The following TENM4 variants were observed in gnomAD, a reference collection of about 807,000 sequenced individuals.
The protein encoded by TENM4 is teneurin transmembrane protein 4.
A neutral mutation model predicts 243.3 loss-of-function variants in TENM4; 82 were observed. That is an observed-to-expected ratio of 0.34 (90% confidence interval 0.28 to 0.40). TENM4 has a LOEUF of 0.40. TENM4 is among the 10% of genes least tolerant of loss of function. TENM4 has a pLI of 1.00. For missense variants in TENM4, 3,138 were observed against 3,673.3 expected (o/e 0.85, Z 3.77); for synonymous variants, 1,412 against 1,456.3 (o/e 0.97, Z 0.69).
At chr11:79,076,344 A>G (rs186662430) in intron 4 of TENM4, 85 of 152,672 alleles carry the variant, frequency 5.6e-4, no homozygotes, top group Non-Finnish European at 9.9e-4. Flanking sequence ...TGGGTACTTT[A>G]TACAGGAAAA....
chr11:79,087,970 C>T (rs574282527), intron 4 of TENM4, among the ~76,000 whole-genome samples: 13 of 152,356 alleles, frequency 8.5e-5, no homozygotes, highest in South Asian at 6.2e-4. Flanking sequence ...CTGTTCTTTC[C>T]GTGGGGAAGC....
chr11:78,761,021 T>C (rs983379127), intron 18 of TENM4, among the ~76,000 whole-genome samples: 8 of 152,232 alleles, frequency 5.3e-5, no homozygotes, highest in African/African-American at 1.9e-4. Context: ...TATATCGTTT[T>C]CTCTCTTTAG....
chr11:79,031,716 C>G (rs1859243578), intron 6 of TENM4, among the ~76,000 whole-genome samples: 2 of 152,184 alleles, frequency 1.3e-5, no homozygotes, highest in Admixed American at 6.5e-5. Context: ...AAGGGGCATG[C>G]TGGGTTGGAC....
intron 6 of TENM4, among the ~76,000 whole-genome samples, chr11:78,965,257 A>G (rs1857413438): frequency 6.6e-6 from 1 of 152,176 alleles, no homozygotes; most frequent in Non-Finnish European, 1.5e-5. Flanking sequence ...CACAATATGC[A>G]TGAGCAGGTG....
intron 6 of TENM4, among the ~76,000 whole-genome samples, chr11:79,000,495 A>C (rs1858289736): frequency 6.6e-6 from 1 of 152,176 alleles, no homozygotes. Context: ...AAGAAAGAAG[A>C]AAGGAATACA....
chr11:79,084,400 A>G (rs900207480), intron 4 of TENM4, among the ~76,000 whole-genome samples: 3 of 152,230 alleles, frequency 2.0e-5, no homozygotes, highest in Admixed American at 6.5e-5. Flanking sequence ...GCTTATGTTC[A>G]TGCAAAAAGC....
In TENM4 at chr11:78,805,307, G is replaced by C. The variant is rs571702529; in HGVS notation, c.2164C>G (p.His722Asp). 34 of 989,068 alleles carry C rather than the reference G, an allele frequency of 3.4e-5. No homozygotes were observed. In the South Asian group the frequency reaches 8.3e-4, roughly 24 times the overall value. 61.3% of individuals were successfully genotyped at this position (989,068 alleles called of 1,614,324 possible). Residue 722 changes from histidine (H) to aspartate (D), a missense_variant, in exon 15 of 34, where the codon CAC becomes GAC. Physicochemically the swap from His to Asp is moderately conservative, Grantham distance 81. Around this residue, in one of 2 missense-constraint regions of TENM4, gnomAD observed 2,467 missense variants for 3,059.1 expected, o/e 0.81. Coordinates refer to ENST00000278550, the MANE Select transcript of TENM4 (RefSeq NM_001098816.3). ...LCSCDPSWTG[H>D]DCSIEICAAD... Reference sequence around the variant, plus strand: ...CTGCATTTACCGATAGAACAGTCGTGTCCAGTCCAGCTTGGGTCACAGCTG... The same window carrying C: ...CTGCATTTACCGATAGAACAGTCGTCTCCAGTCCAGCTTGGGTCACAGCTG...
chr11:78,655,259 A>G lies in TENM4; in HGVS notation c.*2799T>C, dbSNP rs536811102. 2.0e-5 allele frequency: 3 copies of G among 152,368 alleles called. No individual in the cohort carries two copies. Among genetic ancestry groups the G allele is most frequent in the East Asian group, 1.9e-4 (1 of 5,184 alleles). The allele number at this position is 152,368 out of a possible 1,614,324, so 9.4% of individuals were successfully genotyped here. On this transcript the variant is annotated 3_prime_UTR_variant, in exon 34 of 34. Coordinates refer to ENST00000278550, the MANE Select transcript of TENM4 (RefSeq NM_001098816.3). Reference sequence around the variant, plus strand: ...CAGCACCAATGTGGCAGTGAGGCGCATAACACTGCCTGTGCCACAGCTGAG... The same window carrying G: ...CAGCACCAATGTGGCAGTGAGGCGCGTAACACTGCCTGTGCCACAGCTGAG...
intron 6 of TENM4, among the ~76,000 whole-genome samples, chr11:78,984,726 T>C (rs539619415): frequency 3.3e-5 from 5 of 152,318 alleles, no homozygotes; most frequent in Admixed American, 6.5e-5. Flanking sequence ...CAATATGGCA[T>C]AGTGATTAAG....
intron 18 of TENM4, among the ~76,000 whole-genome samples, chr11:78,768,766 C>A (rs550099413): frequency 2.1e-4 from 32 of 152,280 alleles, no homozygotes; most frequent in Admixed American, 7.8e-4. Flanking sequence ...AGGCTCTATT[C>A]CCCTGGGGTC....
intron 29 of TENM4, among the ~76,000 whole-genome samples, chr11:78,684,401 C>G (rs1185366207): frequency 6.6e-6 from 1 of 152,228 alleles, no homozygotes; most frequent in African/African-American, 2.4e-5. Context: ...GAGAACTGTA[C>G]TTGGCATATA....
chr11:79,367,754 A>G (rs899529613), intron 1 of TENM4, among the ~76,000 whole-genome samples: 1 of 152,222 alleles, frequency 6.6e-6, no homozygotes, highest in African/African-American at 2.4e-5. Flanking sequence ...GAAAAAGAAG[A>G]GAGACATAAC....
chr11:79,292,269 C>T (rs901886909), intron 2 of TENM4, among the ~76,000 whole-genome samples: 1 of 152,146 alleles, frequency 6.6e-6, no homozygotes, highest in Non-Finnish European at 1.5e-5. Flanking sequence ...CTTTCTCCTG[C>T]CCTCGACCAC....
intron 1 of TENM4, among the ~76,000 whole-genome samples, chr11:79,416,789 T>C (rs1218533607): frequency 6.6e-6 from 1 of 152,030 alleles, no homozygotes; most frequent in Non-Finnish European, 1.5e-5. Context: ...TCCTGTAGGG[T>C]ATGCCTGCTA....
intron 2 of TENM4, among the ~76,000 whole-genome samples, chr11:79,223,675 C>A (rs1341857610): frequency 6.6e-6 from 1 of 152,148 alleles, no homozygotes; most frequent in African/African-American, 2.4e-5. Flanking sequence ...TTGTATGCTC[C>A]AGCTAAACCA....
intron 28 of TENM4, among the ~76,000 whole-genome samples, chr11:78,701,113 T>C (rs1859091817): frequency 6.6e-6 from 1 of 152,210 alleles, no homozygotes; most frequent in South Asian, 2.1e-4. Context: ...GGAAAATTCA[T>C]CCACATGTGC....
chr11:79,241,895 T>C lies in TENM4; in HGVS notation c.-264-25986A>G, dbSNP rs542901978. ...GGCGGCAGGACCCTGGAGTCTTATA[T>C]GGAAGGTGGCAGGTGGAATCCGGAA... On this transcript the variant is annotated intron_variant, in intron 2 of 33. Transcript: ENST00000278550. 5.9e-5 allele frequency among the ~76,000 whole-genome samples: 9 copies of C among 152,312 alleles called. 1 individual carries two copies. The East Asian group carries it at 9.7e-4, about 16-fold the overall frequency.
Position 78,854,293 on chromosome 11 carries a change from C to T in TENM4, c.1492G>A (p.Asp498Asn). 1 of 1,513,276 alleles carries T rather than the reference C, an allele frequency of 6.6e-7. No individual in the cohort carries two copies. Among genetic ancestry groups the T allele is most frequent in the Non-Finnish European group, 8.9e-7 (1 of 1,127,052 alleles). The allele number at this position is 1,513,276 out of a possible 1,614,324, so 93.7% of individuals were successfully genotyped here. A position where few individuals can be genotyped will look rare whatever the true frequency, so the allele number is the denominator to read the frequency against. Residue 498 changes from aspartate to asparagine, a missense_variant, in exon 12 of 34, where the codon GAT (aspartate) becomes AAT (asparagine). Physicochemically the swap from Asp to Asn is conservative, Grantham distance 23. Transcript: ENST00000278550. ...TCCTGGGTTAGGAGCCTCCTGCCAT[C>T]CAGCAGCTCCACAAAGTCAAACTGA... is the stretch of plus-strand genomic sequence containing the variant. ...HTQFDFVELL[D>N]GRRLLTQEAR...
At chr11:78,674,120 G>A (rs1858405823) in intron 30 of TENM4, among the ~76,000 whole-genome samples, 1 of 152,214 alleles carries the variant, frequency 6.6e-6, no homozygotes, top group Non-Finnish European at 1.5e-5. Flanking sequence ...TCTCCCTGGA[G>A]GATCTCTAGT....
Sources: gnomAD v4.1 joint callset for allele counts (sites outside exome capture counted in the v4.1 genomes callset) on GRCh38, gnomAD v4.1.1 for gene constraint, gnomAD v4.1.1 regional missense constraint, MANE v1.5 for transcripts, NCBI Gene and HGNC (gene_info 2026-07-23, HGNC 2026-07-21) for gene names.